The following ASCC3 variants were observed in gnomAD, a reference collection of about 807,000 sequenced individuals.
ASCC3 encodes activating signal cointegrator 1 complex subunit 3.
ASCC3 carries 158 observed loss-of-function variants against 256.3 expected under a neutral mutation model. The ratio of observed to expected loss-of-function variants is 0.62; its 90% CI spans 0.54 to 0.70. The LOEUF (loss-of-function observed/expected upper bound fraction) is 0.70. ASCC3 is among the 30% of genes least tolerant of loss of function. The pLI, the probability that ASCC3 is intolerant of heterozygous loss-of-function variation, is 0.00. For missense variants in ASCC3, 2,259 were observed against 2,626.0 expected (o/e 0.86, Z 3.05); for synonymous variants, 948 against 883.4 (o/e 1.07, Z -1.30).
In ASCC3 at chr6:100,661,936, A is replaced by T. The variant is rs766395268; in HGVS notation, c.2573T>A (p.Phe858Tyr). The change falls in exon 16 of 42, where the codon TTT becomes TAT. Residue 858 changes from phenylalanine (F) to tyrosine (Y), a missense_variant. Physicochemically the swap from Phe to Tyr is conservative, Grantham distance 22. This residue lies in a region of ASCC3 where 1,839 missense variants were observed against 2,206.7 expected (regional missense o/e 0.83). Transcript: ENST00000369162. Reference protein sequence around the residue: ...QIFGRAGRPQFDKFGEGIIIT... With the variant: ...QIFGRAGRPQYDKFGEGIIIT... ...AATTATTCCTTCCCCAAATTTGTCA[A>T]ATTGTGGTCGTCCAGCTCGACCAAA... 31 of 1,613,238 alleles carry T rather than the reference A, an allele frequency of 1.9e-5. No individual in the cohort carries two copies. Among genetic ancestry groups the T allele is most frequent in the Non-Finnish European group, 2.5e-5 (30 of 1,179,512 alleles).
At chr6:100,640,526 G>C (rs1297958723) in intron 24 of ASCC3, among the ~76,000 whole-genome samples, 7 of 152,178 alleles carry the variant, frequency 4.6e-5, no homozygotes, top group African/African-American at 1.7e-4. Context: ...CATTGAAATA[G>C]AATGTTAACG....
chr6:100,829,029 CAG>C (rs1217992302), intron 4 of ASCC3, among the ~76,000 whole-genome samples: 1 of 152,134 alleles, frequency 6.6e-6, no homozygotes, highest in Non-Finnish European at 1.5e-5. Context: ...TAGCTAGATA[CAG>C]AGTGTCCACA....
intron 13 of ASCC3, among the ~76,000 whole-genome samples, chr6:100,705,532 G>A (rs1167915580): frequency 2.0e-5 from 3 of 151,938 alleles, no homozygotes; most frequent in East Asian, 1.9e-4. Flanking sequence ...GGTTTGAAAC[G>A]TAGCTTCTCT....
At chr6:100,800,241 A>G in intron 6 of ASCC3, 59 bp downstream of exon 6, 1 of 1,543,904 alleles carries the variant, frequency 6.5e-7, no homozygotes, top group Non-Finnish European at 8.9e-7. Flanking sequence ...AAAAGTGATA[A>G]TGATATGTAA....
chr6:100,623,444 C>G (rs530697668), intron 30 of ASCC3, among the ~76,000 whole-genome samples: 2 of 152,198 alleles, frequency 1.3e-5, no homozygotes, highest in East Asian at 3.9e-4. Context: ...AACTATTACA[C>G]AATAATGTAA....
intron 10 of ASCC3, among the ~76,000 whole-genome samples, chr6:100,736,741 T>C (rs748387194): frequency 6.6e-6 from 1 of 152,138 alleles, no homozygotes; most frequent in African/African-American, 2.4e-5. Context: ...TGAGAATGAA[T>C]GTTGCTAAGG....
chr6:100,800,678 TAAATA>T (rs1317162603), intron 5 of ASCC3, among the ~76,000 whole-genome samples, 174 bp from the exon 6 acceptor site: 1 of 151,826 alleles, frequency 6.6e-6, no homozygotes, highest in Non-Finnish European at 1.5e-5. Flanking sequence ...TCACAGTATC[TAAATA>T]AAATTACACG....
intron 16 of ASCC3, among the ~76,000 whole-genome samples, chr6:100,657,640 G>T (rs758530299): frequency 2.8e-4 from 42 of 150,864 alleles, no homozygotes; most frequent in Non-Finnish European, 1.0e-4. Context: ...AATTTATAAG[G>T]GATAAAATAA....
At chr6:100,732,263 C>T (rs1779940553) in intron 10 of ASCC3, among the ~76,000 whole-genome samples, 1 of 151,304 alleles carries the variant, frequency 6.6e-6, no homozygotes, top group Non-Finnish European at 1.5e-5. Context: ...CAGTTCTCCA[C>T]AAAAAAGACT....
At chr6:100,778,943 T>C (rs1236589696) in intron 8 of ASCC3, among the ~76,000 whole-genome samples, 3 of 152,124 alleles carry the variant, frequency 2.0e-5, no homozygotes, top group Non-Finnish European at 2.9e-5. Flanking sequence ...ACAATTCATA[T>C]GATTACTTGG....
At chr6:100,558,533 C>T (rs1381286837) in intron 36 of ASCC3, among the ~76,000 whole-genome samples, 1 of 152,038 alleles carries the variant, frequency 6.6e-6, no homozygotes, top group Non-Finnish European at 1.5e-5. Flanking sequence ...AAAAAGACAA[C>T]TTTGAAGAAG....
intron 8 of ASCC3, among the ~76,000 whole-genome samples, chr6:100,783,690 A>G (rs1346155840): frequency 1.3e-5 from 2 of 152,206 alleles, no homozygotes; most frequent in Non-Finnish European, 2.9e-5. Flanking sequence ...CCCAAACTAC[A>G]TAATTTGTGA....
chr6:100,728,167 AT>A (rs1437079185), intron 10 of ASCC3, among the ~76,000 whole-genome samples: 1 of 152,092 alleles, frequency 6.6e-6, no homozygotes, highest in African/African-American at 2.4e-5. Context: ...CAGTTAACAC[AT>A]GAGCCAAACA....
At chr6:100,718,525 A>C (rs1271623617) in intron 11 of ASCC3, among the ~76,000 whole-genome samples, 1 of 151,970 alleles carries the variant, frequency 6.6e-6, no homozygotes, top group East Asian at 1.9e-4. Flanking sequence ...TTGGGAGGCA[A>C]GGTGGGCGGC....
intron 4 of ASCC3, among the ~76,000 whole-genome samples, chr6:100,807,875 A>G (rs538063922): frequency 6.6e-6 from 1 of 151,962 alleles, no homozygotes; most frequent in South Asian, 2.1e-4. Flanking sequence ...AAATTTTATA[A>G]AAGTATGTAT....
intron 30 of ASCC3, among the ~76,000 whole-genome samples, chr6:100,617,928 C>T (rs1430948586): frequency 6.6e-6 from 1 of 152,226 alleles, no homozygotes; most frequent in Non-Finnish European, 1.5e-5. Flanking sequence ...CATGCTGATG[C>T]ATCCATGTTC....
At chr6:100,722,226 G>C (rs1779375760) in intron 11 of ASCC3, among the ~76,000 whole-genome samples, 1 of 151,736 alleles carries the variant, frequency 6.6e-6, no homozygotes, top group African/African-American at 2.4e-5. Context: ...ATGCTGTTTT[G>C]GTTACTGTAG....
intron 4 of ASCC3, among the ~76,000 whole-genome samples, chr6:100,829,928 G>A (rs888833277): frequency 9.2e-5 from 14 of 152,118 alleles, no homozygotes; most frequent in African/African-American, 3.1e-4. Flanking sequence ...CTGTGATACT[G>A]CAACAGTCGA....
intron 18 of ASCC3, among the ~76,000 whole-genome samples, chr6:100,652,328 G>A (rs564179516): frequency 2.0e-5 from 3 of 152,172 alleles, no homozygotes; most frequent in Non-Finnish European, 2.9e-5. Context: ...GATTTCAACC[G>A]GATCATAGTT....
Sources: allele counts gnomAD v4.1 joint callset (sites outside exome capture counted in the v4.1 genomes callset), GRCh38; gene constraint gnomAD v4.1.1; regional missense constraint gnomAD v4.1.1; transcripts MANE v1.5; gene names NCBI Gene and HGNC (gene_info 2026-07-23, HGNC 2026-07-21).